Variants in STUM observed in about 807,000 individuals in gnomAD.
STUM encodes stum, mechanosensory transduction mediator homolog.
A neutral mutation model predicts 15.3 loss-of-function variants in STUM; 8 were observed. The ratio of observed to expected loss-of-function variants is 0.52; its 90% CI spans 0.31 to 0.94. The LOEUF is 0.94. Among genes scored for constraint, STUM ranks in the 40% least tolerant of loss-of-function variants. The probability of loss-of-function intolerance (pLI) is 0.05; values close to 1 mark genes in which losing one functional copy is unlikely to be tolerated. For synonymous variants in STUM, 78 were observed against 88.7 expected (o/e 0.88, Z 0.68); for missense variants, 142 against 204.9 (o/e 0.69, Z 1.87).
At chr1:226,577,725 T>C (rs755257968) in intron 1 of STUM, among the ~76,000 whole-genome samples, 3 of 152,166 alleles carry the variant, frequency 2.0e-5, no homozygotes, top group Non-Finnish European at 4.4e-5. Flanking sequence ...TGTGACAGCA[T>C]GCACTGCTTT....
chr1:226,564,540 T>C (rs1288701869), intron 1 of STUM, among the ~76,000 whole-genome samples: 1 of 152,194 alleles, frequency 6.6e-6, no homozygotes, highest in Non-Finnish European at 1.5e-5. Context: ...GGGTGATGGG[T>C]AGAACGTGCA....
At chr1:226,555,124 C>T (rs1667425395) in intron 1 of STUM, among the ~76,000 whole-genome samples, 1 of 152,212 alleles carries the variant, frequency 6.6e-6, no homozygotes, top group Non-Finnish European at 1.5e-5. Context: ...AGGCTCTTTG[C>T]TTCCTTTGCC....
chr1:226,578,000 C>G (rs1425572536), intron 1 of STUM, among the ~76,000 whole-genome samples: 4 of 152,148 alleles, frequency 2.6e-5, no homozygotes, highest in African/African-American at 9.7e-5. Context: ...TGACACGCAG[C>G]CTTACTTTTT....
Position 226,604,769 on chromosome 1 carries a change from T to G in STUM, c.*2729T>G, listed in dbSNP as rs555057989. On this transcript the variant is annotated 3_prime_UTR_variant, in exon 4 of 4. Transcript: ENST00000366788. This position sits in a 1 kb window ranked among gnomAD's most constrained non-coding sequence, Gnocchi z 4.7. ...TGCATAGTGCAGACAAGGCTGTTGG[T>G]TCAGAGGCTGCAGGGCACATTCCAG... The G allele has an allele frequency of 5.8e-4, 89 of 152,438 alleles. No individual in the cohort carries two copies. The highest frequency in any genetic ancestry group is 2.1e-3 in the African/African-American group (89 of 41,566). The allele number at this position is 152,438 out of a possible 1,614,324, so 9.4% of individuals were successfully genotyped here.
intron 1 of STUM, among the ~76,000 whole-genome samples, chr1:226,594,757 C>A (rs113897055): frequency 6.6e-6 from 1 of 152,218 alleles, no homozygotes; most frequent in Admixed American, 6.5e-5. Context: ...TGGGTTCAAG[C>A]GATTTTCCTG....
rs1373683947 is a variant in STUM at position 226,608,764 on chromosome 1, C to A, written c.*6724C>A. 1 of 152,198 alleles carries A rather than the reference C, an allele frequency of 6.6e-6. No individual in the cohort carries two copies. The highest frequency in any genetic ancestry group is 1.5e-5 in the Non-Finnish European group (1 of 68,070). 9.4% of individuals were successfully genotyped at this position (152,198 alleles called of 1,614,324 possible). A position where few individuals can be genotyped will look rare whatever the true frequency, so the allele number is the denominator to read the frequency against. Reference sequence around the variant, plus strand: ...GGAAGAAAACGTCTAATGTCGGGGACGTAGGGACGCTTCCAGACTTGCCCT... The same window carrying A: ...GGAAGAAAACGTCTAATGTCGGGGAAGTAGGGACGCTTCCAGACTTGCCCT... On this transcript the variant is annotated 3_prime_UTR_variant, in exon 4 of 4. Transcript: ENST00000366788. This position sits in a 1 kb window ranked among gnomAD's most constrained non-coding sequence, Gnocchi z 4.0.
rs1404110797 is a variant in STUM, at chr1:226,553,941, T to C, written c.202+4835T>C. On this transcript the variant is annotated intron_variant, in intron 1 of 3. Coordinates refer to ENST00000366788, the MANE Select transcript of STUM (RefSeq NM_001003665.4). ...AGAGAGAAGAGGAACTGTGATAGAT[T>C]AAATTATTGTTCCCAATTATTCACT... Among the ~76,000 whole-genome samples the C allele has an allele frequency of 3.9e-5, 6 of 152,196 alleles. No homozygotes were observed. In the East Asian group the frequency reaches 1.2e-3, roughly 29 times the overall value.
intron 1 of STUM, among the ~76,000 whole-genome samples, chr1:226,562,269 G>C (rs186495452): frequency 2.0e-5 from 3 of 152,160 alleles, no homozygotes. Flanking sequence ...AGGAGTTTGA[G>C]ACTGGCCTGG....
chr1:226,581,737 G>A (rs945159196), intron 1 of STUM, among the ~76,000 whole-genome samples: 2 of 152,152 alleles, frequency 1.3e-5, no homozygotes, highest in African/African-American at 4.8e-5. Flanking sequence ...AAGAGTCAGT[G>A]GATGAGAAGA....
rs1001263174 is a variant in STUM, at chr1:226,548,766, G to A, written c.-139G>A. On this transcript the variant is annotated 5_prime_UTR_variant, in exon 1 of 4. Coordinates refer to ENST00000366788, the MANE Select transcript of STUM (RefSeq NM_001003665.4). The stretch of plus-strand genomic sequence containing the variant: ...GACGCCGGAGGGCGGGAGTCTCCGC[G>A]AGCCGCGCGGCGCACGGAGCACGGC... The A allele has an allele frequency of 6.3e-6, 4 of 631,058 alleles. No homozygotes were observed. Among genetic ancestry groups the A allele is most frequent in the African/African-American group, 1.9e-5 (1 of 51,494 alleles). The allele number at this position is 631,058 out of a possible 1,614,324, so 39.1% of individuals were successfully genotyped here.
chr1:226,556,139 G>A (rs528153944), intron 1 of STUM, among the ~76,000 whole-genome samples: 1 of 152,308 alleles, frequency 6.6e-6, no homozygotes, highest in East Asian at 1.9e-4. Flanking sequence ...TTCCTTCTGA[G>A]AAATGGCAAG....
chr1:226,568,896 C>T (rs187987794), intron 1 of STUM, among the ~76,000 whole-genome samples: 32 of 151,724 alleles, frequency 2.1e-4, no homozygotes, highest in Non-Finnish European at 2.7e-4. Context: ...GAAGCAGAAA[C>T]GCCGACCACA....
At chr1:226,592,648 A>G (rs1001187581) in intron 1 of STUM, among the ~76,000 whole-genome samples, 1 of 152,210 alleles carries the variant, frequency 6.6e-6, no homozygotes, top group African/African-American at 2.4e-5. Flanking sequence ...ATTCTTATTC[A>G]TCTTCAACCA....
intron 1 of STUM, among the ~76,000 whole-genome samples, chr1:226,569,635 G>C (rs548563757): frequency 6.6e-6 from 1 of 152,258 alleles, no homozygotes; most frequent in Admixed American, 6.5e-5. Flanking sequence ...AAATGGAGTG[G>C]GGCCAGATAA....
At chr1:226,591,027 G>A (rs1668075738) in intron 1 of STUM, among the ~76,000 whole-genome samples, 2 of 152,178 alleles carry the variant, frequency 1.3e-5, no homozygotes, top group African/African-American at 2.4e-5. Flanking sequence ...TATGGCTGGC[G>A]CTCAATAGAA....
rs78779209 is a variant in STUM at position 226,564,822 on chromosome 1, G to A, written c.202+15716G>A. Reference sequence around the variant, plus strand: ...CTGGCTTCTCATTCCAGCTCATCCTGTTGATGGGAGCCTCAGCGCTTAGCC... The same window carrying A: ...CTGGCTTCTCATTCCAGCTCATCCTATTGATGGGAGCCTCAGCGCTTAGCC... On this transcript the variant is annotated intron_variant, in intron 1 of 3. Coordinates refer to ENST00000366788, the MANE Select transcript of STUM (RefSeq NM_001003665.4). Among the ~76,000 whole-genome samples, 25 of 152,270 alleles carry A rather than the reference G, an allele frequency of 1.6e-4. 1 individual carries two copies. The East Asian group carries it at 4.8e-3, about 29-fold the overall frequency.
At chr1:226,573,142 T>C (rs537106378) in intron 1 of STUM, among the ~76,000 whole-genome samples, 7 of 152,342 alleles carry the variant, frequency 4.6e-5, no homozygotes, top group African/African-American at 1.7e-4. Flanking sequence ...CTGCATAGGT[T>C]AGTTACCACA....
intron 1 of STUM, among the ~76,000 whole-genome samples, chr1:226,569,349 G>GC (rs1234565283): frequency 3.9e-5 from 6 of 152,194 alleles, no homozygotes; most frequent in African/African-American, 7.2e-5. Context: ...CATTCCAGCT[G>GC]TGAGAGGCCC....
At chr1:226,578,393 C>G (rs1196984124) in intron 1 of STUM, among the ~76,000 whole-genome samples, 1 of 110,062 alleles carries the variant, frequency 9.1e-6, no homozygotes, top group African/African-American at 3.5e-5. Flanking sequence ...GAGAATGCAT[C>G]TCTCTTTGTC....
Sources: allele counts gnomAD v4.1 joint callset (sites outside exome capture counted in the v4.1 genomes callset), GRCh38; gene constraint gnomAD v4.1.1; non-coding constraint Gnocchi (gnomAD v3.1); transcripts MANE v1.5; gene names NCBI Gene and HGNC (gene_info 2026-07-23, HGNC 2026-07-21).